Variants in ZDHHC5 observed in about 807,000 individuals in gnomAD.
ZDHHC5 encodes the protein zDHHC palmitoyltransferase 5, also known as palmitoyltransferase ZDHHC5.
ZDHHC5 carries 22 observed loss-of-function variants against 70.0 expected under a neutral mutation model. That is an observed-to-expected ratio of 0.31 (90% CI 0.22 to 0.45). The LOEUF (loss-of-function observed/expected upper bound fraction) is 0.45. Ranked by LOEUF, ZDHHC5 falls within the 20% of genes least tolerant of loss-of-function variation. The probability of loss-of-function intolerance (pLI) is 1.00; values close to 1 mark genes in which losing one functional copy is unlikely to be tolerated. For synonymous variants in ZDHHC5, 313 were observed against 347.8 expected (o/e 0.90, Z 1.11); for missense variants, 746 against 926.9 (o/e 0.80, Z 2.53).
intron 11 of ZDHHC5, 113 bp downstream of exon 11, chr11:57,699,531 C>G: frequency 6.9e-7 from 1 of 1,444,076 alleles, no homozygotes; most frequent in Admixed American, 2.4e-5. Flanking sequence ...CAGGGGTATC[C>G]TGGTAGCTCT....
chr11:57,682,540 C>T lies in ZDHHC5; in HGVS notation c.223C>T (p.Arg75Ter). The T allele has an allele frequency of 6.2e-7, 1 of 1,613,862 alleles. No homozygotes were observed. Residue 75 changes from arginine to a stop codon, truncating the protein, a stop_gained, in exon 3 of 12, where the codon CGA (arginine) becomes TGA (stop). Transcript: ENST00000287169. LOFTEE classifies it high-confidence loss of function. ...ATFMDPGIFP[R>*]AEEDEDKEDD... The stretch of plus-strand genomic sequence containing the variant: ...CTTCATGGACCCAGGGATTTTCCCT[C>T]GAGGTAAGATCTGCTTCTCTCTTAG...
intron 10 of ZDHHC5, among the ~76,000 whole-genome samples, chr11:57,697,986 T>C (rs1340187419): frequency 6.6e-6 from 1 of 151,532 alleles, no homozygotes; most frequent in East Asian, 1.9e-4. Context: ...ATACAAAAAT[T>C]AGCTGGGCGT....
rs748447357 is a variant in ZDHHC5, at chr11:57,698,514, T to A, written c.1123-45T>A. Reference sequence around the variant, plus strand: ...TCCTTGAGCTCTGGGGTCTAGCTTCTGTCACAAAAGGAGCACTAAGAGCCT... The same window carrying A: ...TCCTTGAGCTCTGGGGTCTAGCTTCAGTCACAAAAGGAGCACTAAGAGCCT... On this transcript the variant is annotated intron_variant, in intron 10 of 11. Transcript: ENST00000287169. 6.5e-6 allele frequency: 10 copies of A among 1,538,536 alleles called. No individual in the cohort carries two copies. The Admixed American group carries it at 1.7e-4, about 26-fold the overall frequency.
chr11:57,684,120 G>A lies in ZDHHC5; in HGVS notation c.226+1577G>A, dbSNP rs190420810. On this transcript the variant is annotated intron_variant, in intron 3 of 11. Coordinates refer to ENST00000287169, the MANE Select transcript of ZDHHC5 (RefSeq NM_015457.3). ...CCAGAATTGCTGGGACTACAGGCGC[G>A]GGCCACCACACACAGCTAATTTTTC... Among the ~76,000 whole-genome samples the A allele has an allele frequency of 2.4e-3, 370 of 152,016 alleles. 1 individual carries two copies. Among genetic ancestry groups the A allele is most frequent in the African/African-American group, 8.4e-3 (350 of 41,464 alleles).
In ZDHHC5 at chr11:57,698,613, C is replaced by A; in HGVS notation, c.1177C>A (p.His393Asn). Residue 393 changes from histidine to asparagine, a missense_variant, in exon 11 of 12, where the codon CAC becomes AAC. Physicochemically the swap from His to Asn is moderately conservative, Grantham distance 68 (BLOSUM62 1). Around this residue, in one of 6 missense-constraint regions of ZDHHC5, gnomAD observed 179 missense variants for 178.4 expected, o/e 1.00. Transcript: ENST00000287169. ...AACCTCAATTGCAGAGAGCAGCCGT[C>A]ACCCCAGCTACCGCTCAGAGCCCAG... ...EPTSIAESSR[H>N]PSYRSEPSLE... The A allele has an allele frequency of 1.2e-6, 2 of 1,613,906 alleles. No individual in the cohort carries two copies. Among genetic ancestry groups the A allele is most frequent in the Non-Finnish European group, 8.5e-7 (1 of 1,179,880 alleles).
intron 4 of ZDHHC5, among the ~76,000 whole-genome samples, chr11:57,689,438 C>T (rs1050211312): frequency 7.2e-5 from 11 of 151,862 alleles, no homozygotes; most frequent in Admixed American, 2.0e-4. Flanking sequence ...AGTGCAATGG[C>T]GCAATCTCGG....
intron 3 of ZDHHC5, among the ~76,000 whole-genome samples, chr11:57,687,756 GTTTTTTTTTT>G (rs746146074): frequency 1.5e-4 from 11 of 75,290 alleles, no homozygotes; most frequent in Non-Finnish European, 2.2e-4. Context: ...TTTTGGGAAA[GTTTTTTTTTT>G]TTTTTTTTTT....
rs375000419 is a variant in ZDHHC5 at position 57,699,251 on chromosome 11, C to A, written c.1815C>A (p.Val605=). The stretch of plus-strand genomic sequence containing the variant: ...AGACTCCACTGGGACGCCCAGCTGT[C>A]CCCCGTTTTGGCAAGCCAGATGGGC... ...LGKTPLGRPA[V]PRFGKPDGLR... Residue 605 remains valine (V), a synonymous_variant, in exon 11 of 12, where the codon GTC becomes GTA. Transcript: ENST00000287169. The A allele has an allele frequency of 6.2e-7, 1 of 1,614,088 alleles. No individual in the cohort carries two copies. Among genetic ancestry groups the A allele is most frequent in the African/African-American group, 1.3e-5 (1 of 74,958 alleles).
In ZDHHC5 at chr11:57,673,195, G is replaced by A; in HGVS notation, c.104+1G>A. On this transcript the variant is annotated splice_donor_variant, in intron 2 of 11. Coordinates refer to ENST00000287169, the MANE Select transcript of ZDHHC5 (RefSeq NM_015457.3). LOFTEE classifies it high-confidence loss of function. ...CTACGACACTCTTCTTTGCCTTTAC[G>A]TGAGTTTTCTCCCAGCAGGGGTGTT... is the stretch of plus-strand genomic sequence containing the variant. 1.2e-6 allele frequency: 2 copies of A among 1,613,534 alleles called. No individual in the cohort carries two copies. Among genetic ancestry groups the A allele is most frequent in the Non-Finnish European group, 1.7e-6 (2 of 1,179,584 alleles).
intron 2 of ZDHHC5, among the ~76,000 whole-genome samples, chr11:57,682,014 G>A (rs1166259652): frequency 1.3e-5 from 2 of 152,180 alleles, no homozygotes; most frequent in Non-Finnish European, 2.9e-5. Flanking sequence ...CAGGTCAATG[G>A]GACATAGCTG....
At chr11:57,695,455 A>T (rs554260300) in intron 8 of ZDHHC5, among the ~76,000 whole-genome samples, 1 of 152,030 alleles carries the variant, frequency 6.6e-6, no homozygotes, top group South Asian at 2.1e-4. Flanking sequence ...ATCTAATGCT[A>T]TACCCAAACT....
In ZDHHC5 at chr11:57,690,019, C is replaced by G. The variant is rs770890572; in HGVS notation, c.385-12C>G. ...CCAGGGATGCCTCTCATCTGTCTCT[C>G]TTTGTCCCTAGGAATTTGATCATCA... On this transcript the variant is annotated splice_polypyrimidine_tract_variant and intron_variant, in intron 4 of 11. Transcript: ENST00000287169. The G allele has an allele frequency of 1.9e-6, 3 of 1,613,842 alleles. No homozygotes were observed. The highest frequency in any genetic ancestry group is 2.5e-6 in the Non-Finnish European group (3 of 1,179,826).
intron 9 of ZDHHC5, among the ~76,000 whole-genome samples, chr11:57,696,505 C>G (rs1946353583): frequency 6.6e-6 from 1 of 151,378 alleles, no homozygotes; most frequent in African/African-American, 2.4e-5. Context: ...TGCTTGAGCC[C>G]AGGAGTTCAA....
intron 1 of ZDHHC5, among the ~76,000 whole-genome samples, chr11:57,670,844 C>T (rs988589526): frequency 7.3e-6 from 1 of 137,822 alleles, no homozygotes; most frequent in Non-Finnish European, 1.5e-5. Context: ...TTTTTTGAGA[C>T]AGAGTCTTGC....
rs371465389 is a variant in ZDHHC5, at chr11:57,699,445, T to C, written c.1982+27T>C. On this transcript the variant is annotated intron_variant, in intron 11 of 11. Coordinates refer to ENST00000287169, the MANE Select transcript of ZDHHC5 (RefSeq NM_015457.3). The stretch of plus-strand genomic sequence containing the variant: ...TAAGTATTAGTACTATCCTGACCCT[T>C]AGCCAATTTCAAATTAGCATACTGC... 2.6e-6 allele frequency: 4 copies of C among 1,522,180 alleles called. No individual in the cohort carries two copies. In the African/African-American group the frequency reaches 4.2e-5, roughly 16 times the overall value. The allele number at this position is 1,522,180 out of a possible 1,614,324, so 94.3% of individuals were successfully genotyped here.
Position 57,699,900 on chromosome 11 carries a change from T to A in ZDHHC5, c.2017T>A (p.Ser673Thr), listed in dbSNP as rs1946417775. Reference protein sequence around the residue: ...EVQLKTTYSKSNGQPKSLGSA... With the variant: ...EVQLKTTYSKTNGQPKSLGSA... ...ACAGCTGAAGACCACCTACAGCAAA[T>A]CCAACGGGCAGCCCAAGAGCTTAGG... Residue 673 changes from serine to threonine, a missense_variant, in exon 12 of 12, where the codon TCC becomes ACC. Around this residue, in one of 6 missense-constraint regions of ZDHHC5, gnomAD observed 340 missense variants for 350.1 expected, o/e 0.97. Transcript: ENST00000287169. 6.2e-7 allele frequency: 1 copy of A among 1,614,102 alleles called. No homozygotes were observed. Among genetic ancestry groups the A allele is most frequent in the African/African-American group, 1.3e-5 (1 of 74,942 alleles).
intron 2 of ZDHHC5, among the ~76,000 whole-genome samples, chr11:57,678,245 A>G (rs1476752891): frequency 6.6e-6 from 1 of 152,186 alleles, no homozygotes; most frequent in Non-Finnish European, 1.5e-5. Flanking sequence ...AATGATGGTG[A>G]TAGTTAATAA....
chr11:57,688,829 G>T (rs1181861665), intron 4 of ZDHHC5, among the ~76,000 whole-genome samples, 164 bp downstream of exon 4: 1 of 152,218 alleles, frequency 6.6e-6, no homozygotes, highest in Non-Finnish European at 1.5e-5. Context: ...GGCATGAGAG[G>T]CAGAGCATAA....
At chr11:57,670,726 C>T (rs993603695) in intron 1 of ZDHHC5, among the ~76,000 whole-genome samples, 1 of 151,844 alleles carries the variant, frequency 6.6e-6, no homozygotes, top group African/African-American at 2.4e-5. Context: ...AGAAATGAAT[C>T]GTAAGGGAAG....
Sources: allele counts gnomAD v4.1 joint callset (sites outside exome capture counted in the v4.1 genomes callset), GRCh38; gene constraint gnomAD v4.1.1; regional missense constraint gnomAD v4.1.1; transcripts MANE v1.5; gene names NCBI Gene and HGNC (gene_info 2026-07-23, HGNC 2026-07-21).